Variants in CRLS1 observed in about 807,000 individuals in gnomAD.
CRLS1 encodes cardiolipin synthase 1, also known as cardiolipin synthase (CMP-forming).
Under a neutral mutation model 37.0 loss-of-function variants are expected in CRLS1, and 24 were observed. The observed-to-expected ratio is 0.65, with a 90% CI of 0.47 to 0.91. The LOEUF is 0.91. Among genes scored for constraint, CRLS1 ranks in the 40% least tolerant of loss-of-function variants. The pLI, the probability that CRLS1 is intolerant of heterozygous loss-of-function variation, is 0.00. For missense variants in CRLS1, 373 were observed against 395.8 expected (o/e 0.94, Z 0.49); for synonymous variants, 135 against 159.7 (o/e 0.85, Z 1.17).
Position 6,037,228 on chromosome 20 carries a change from C to T in CRLS1, c.*70C>T. The T allele has an allele frequency of 9.3e-7, 1 of 1,077,964 alleles. No homozygotes were observed. Among genetic ancestry groups the T allele is most frequent in the South Asian group, 1.8e-5 (1 of 56,588 alleles). The allele number at this position is 1,077,964 out of a possible 1,614,324, so 66.8% of individuals were successfully genotyped here. A position where few individuals can be genotyped will look rare whatever the true frequency, so the allele number is the denominator to read the frequency against. ...TGGGAACAGGGCCCATGGAAATGTACAGGAGTTTCCCTATTTTGGTGTTCA... is the reference window on the plus strand; with the variant it reads ...TGGGAACAGGGCCCATGGAAATGTATAGGAGTTTCCCTATTTTGGTGTTCA... On this transcript the variant is annotated 3_prime_UTR_variant, in exon 7 of 7. Transcript: ENST00000378863.
intron 2 of CRLS1, among the ~76,000 whole-genome samples, chr20:6,014,242 C>G (rs1978565297): frequency 6.6e-6 from 1 of 152,100 alleles, no homozygotes; most frequent in Admixed American, 6.5e-5. Flanking sequence ...TTAGTCAGGC[C>G]AAATAACTTA....
chr20:6,027,304 C>T lies in CRLS1; in HGVS notation c.575-3981C>T, dbSNP rs1352187093. Among the ~76,000 whole-genome samples the T allele has an allele frequency of 3.9e-5, 6 of 152,098 alleles. No homozygotes were observed. In the South Asian group the frequency reaches 6.2e-4, roughly 16 times the overall value. ...TTTACCATGTTGACCAGGCTGGTCTCGAACTCCTGACCTCAGGTGATCCAC... is the reference window on the plus strand; with the variant it reads ...TTTACCATGTTGACCAGGCTGGTCTTGAACTCCTGACCTCAGGTGATCCAC... On this transcript the variant is annotated intron_variant, in intron 3 of 6. Transcript: ENST00000378863.
chr20:6,010,892 C>T (rs193251708), intron 2 of CRLS1, among the ~76,000 whole-genome samples: 3 of 152,210 alleles, frequency 2.0e-5, no homozygotes, highest in Admixed American at 2.0e-4. Flanking sequence ...TGGCATACGC[C>T]TGCAGTCCTA....
intron 5 of CRLS1, 100 bp from the exon 6 acceptor site, chr20:6,034,362 GTA>G: frequency 2.8e-6 from 2 of 726,516 alleles, no homozygotes; most frequent in Non-Finnish European, 4.7e-6. Context: ...CATGCTGAGG[GTA>G]TGTCATGTTA....
intron 3 of CRLS1, among the ~76,000 whole-genome samples, chr20:6,017,261 T>C (rs1259766913): frequency 6.6e-6 from 1 of 152,242 alleles, no homozygotes; most frequent in Non-Finnish European, 1.5e-5. Flanking sequence ...CCCTCTTCCA[T>C]AGACTTGGAG....
chr20:6,021,167 A>G (rs1200863650), intron 3 of CRLS1, among the ~76,000 whole-genome samples: 1 of 150,692 alleles, frequency 6.6e-6, no homozygotes, highest in Non-Finnish European at 1.5e-5. Context: ...CCTGGGTCCA[A>G]GTGATTCTCC....
chr20:6,025,647 A>G (rs948853918), intron 3 of CRLS1, among the ~76,000 whole-genome samples: 1 of 152,230 alleles, frequency 6.6e-6, no homozygotes, highest in African/African-American at 2.4e-5. Flanking sequence ...GGCAAAGTAA[A>G]TTGAAAACCT....
At chr20:6,031,947 T>G (rs1268019030) in intron 4 of CRLS1, 65 bp from the exon 5 acceptor site, 1 of 1,237,718 alleles carries the variant, frequency 8.1e-7, no homozygotes, top group Non-Finnish European at 1.2e-6. Context: ...AAAATGTCTA[T>G]TTTAAATAAA....
rs1309641450 is a variant in CRLS1 at position 6,039,263 on chromosome 20, G to T, written c.*2105G>T. The T allele has an allele frequency of 1.0e-4, 1 of 9,860 alleles. No homozygotes were observed. The highest frequency in any genetic ancestry group is 1.7e-4 in the Non-Finnish European group (1 of 5,946). The allele number at this position is 9,860 out of a possible 1,614,324, so 0.6% of individuals were successfully genotyped here. A position where few individuals can be genotyped will look rare whatever the true frequency, so the allele number is the denominator to read the frequency against. On this transcript the variant is annotated 3_prime_UTR_variant, in exon 7 of 7. Transcript: ENST00000378863. ...CCAACTGTGCTTTGCAGTTTTGTTT[G>T]TGTGTGTGTGTGTGTGTGTGTGTGT... is the stretch of plus-strand genomic sequence containing the variant.
chr20:6,022,629 C>T (rs1005579592), intron 3 of CRLS1, among the ~76,000 whole-genome samples: 4 of 152,192 alleles, frequency 2.6e-5, no homozygotes, highest in Non-Finnish European at 4.4e-5. Context: ...AGAGCCACTG[C>T]ACCCGGCCAT....
intron 3 of CRLS1, among the ~76,000 whole-genome samples, chr20:6,020,048 G>T (rs1030862921): frequency 2.0e-5 from 3 of 152,148 alleles, no homozygotes; most frequent in South Asian, 2.1e-4. Flanking sequence ...AAAATTTTTA[G>T]TAGTTTTTAA....
At chr20:6,028,348 G>T (rs1350798338) in intron 3 of CRLS1, 2 of 152,008 alleles carry the variant, frequency 1.3e-5, no homozygotes, top group Non-Finnish European at 2.9e-5. Flanking sequence ...TTTCTACTTA[G>T]ATTTATGTCC....
chr20:6,030,053 CTTTTTA>C (rs1213267529), intron 3 of CRLS1, among the ~76,000 whole-genome samples: 7 of 150,962 alleles, frequency 4.6e-5, no homozygotes, highest in African/African-American at 1.7e-4. Context: ...GTTCATGATC[CTTTTTA>C]TTTTTATCTT....
chr20:6,019,691 CTTTTTT>C (rs146083457), intron 3 of CRLS1, among the ~76,000 whole-genome samples: 6 of 120,226 alleles, frequency 5.0e-5, no homozygotes, highest in Admixed American at 2.6e-4. Flanking sequence ...TTTCGAAATT[CTTTTTT>C]TTTTTTTTTT....
At chr20:6,027,626 G>A (rs1979822150) in intron 3 of CRLS1, among the ~76,000 whole-genome samples, 1 of 151,932 alleles carries the variant, frequency 6.6e-6, no homozygotes. Context: ...TGTTGGCCAG[G>A]CTGGTCTCGA....
At chr20:6,020,284 T>G (rs1413307677) in intron 3 of CRLS1, among the ~76,000 whole-genome samples, 1 of 152,228 alleles carries the variant, frequency 6.6e-6, no homozygotes, top group East Asian at 1.9e-4. Context: ...AAGTGTCACT[T>G]TCATTGCATC....
intron 2 of CRLS1, among the ~76,000 whole-genome samples, chr20:6,013,260 C>T (rs1239901089): frequency 2.7e-5 from 4 of 145,812 alleles, no homozygotes; most frequent in Non-Finnish European, 5.9e-5. Flanking sequence ...TCGTGTTGCC[C>T]AGGTTGGCCT....
rs535451967 is a variant in CRLS1 at position 6,036,875 on chromosome 20, G to A, written c.822-199G>A. 5.3e-5 allele frequency among the ~76,000 whole-genome samples: 8 copies of A among 152,250 alleles called. No homozygotes were observed. In the East Asian group the frequency reaches 9.6e-4, roughly 18 times the overall value. On this transcript the variant is annotated intron_variant, in intron 6 of 6. Transcript: ENST00000378863. ...ATTATCTAGAATAATTTTGTTTGAC[G>A]TTACTAATTAAAATGAACTCTTAAA...
intron 1 of CRLS1, chr20:6,006,984 G>A: frequency 3.4e-6 from 1 of 298,472 alleles, no homozygotes; most frequent in East Asian, 1.7e-4. Flanking sequence ...TTTGACCTTT[G>A]GTAACCTTAC....
Sources: gnomAD v4.1 joint callset for allele counts (sites outside exome capture counted in the v4.1 genomes callset) on GRCh38, gnomAD v4.1.1 for gene constraint, MANE v1.5 for transcripts, NCBI Gene and HGNC (gene_info 2026-07-23, HGNC 2026-07-21) for gene names.